The following CDH8 variants were observed in gnomAD, a reference collection of about 807,000 sequenced individuals.
CDH8 encodes the protein cadherin 8, also known as cadherin-8.
CDH8 carries 17 observed loss-of-function variants against 68.1 expected under a neutral mutation model. That is an observed-to-expected ratio of 0.25 (90% CI 0.17 to 0.37). The LOEUF is 0.37. Ranked by LOEUF, CDH8 falls within the 10% of genes least tolerant of loss-of-function variation. The pLI is 1.00. For synonymous variants in CDH8, 372 were observed against 365.1 expected, an observed-to-expected ratio of 1.02 and a Z score of -0.21; for missense variants, 763 against 999.3, an observed-to-expected ratio of 0.76 and a Z score of 3.19.
chr16:61,902,479 G>T (rs908390391), intron 2 of CDH8, among the ~76,000 whole-genome samples: 4 of 150,666 alleles, frequency 2.7e-5, no homozygotes, highest in Non-Finnish European at 4.4e-5. Context: ...TAAAAGAAAA[G>T]CCCATTGCGA....
In CDH8 at chr16:61,847,538, T is replaced by TTATATATATA. The variant is rs56946081; in HGVS notation, c.667+9571_667+9580dup. Among the ~76,000 whole-genome samples, 314 of 136,678 alleles carry TTATATATATA rather than the reference T, an allele frequency of 2.3e-3. 1 individual carries two copies. Among genetic ancestry groups the TTATATATATA allele is most frequent in the Middle Eastern group, 4.0e-3 (1 of 252 alleles). 89.7% of individuals were successfully genotyped at this position (136,678 alleles called of 152,430 possible). ...CCCCTTCTGTAAGCTTCCAATCATT[T>TTATATATATA]TATATATATATATATATATATATAT... On this transcript the variant is annotated intron_variant, in intron 4 of 11. Coordinates refer to ENST00000577390, the MANE Select transcript of CDH8 (RefSeq NM_001796.5).
chr16:61,753,982 A>G (rs924791139), intron 8 of CDH8, among the ~76,000 whole-genome samples: 5 of 152,172 alleles, frequency 3.3e-5, no homozygotes, highest in African/African-American at 1.2e-4. Flanking sequence ...CTCAAAATGA[A>G]GAAACTACAT....
chr16:61,666,973 T>C (rs1596846832), intron 10 of CDH8, among the ~76,000 whole-genome samples: 1 of 152,088 alleles, frequency 6.6e-6, no homozygotes, highest in Non-Finnish European at 1.5e-5. Flanking sequence ...ATAATGAGTC[T>C]TGTTGGAAAC....
intron 7 of CDH8, among the ~76,000 whole-genome samples, chr16:61,817,128 A>C (rs993725644): frequency 3.9e-5 from 6 of 152,180 alleles, no homozygotes; most frequent in Admixed American, 2.6e-4. Flanking sequence ...CTAAACAAAC[A>C]AACAAAAAAA....
chr16:61,768,707 C>T (rs564721515), intron 8 of CDH8, among the ~76,000 whole-genome samples: 3 of 151,634 alleles, frequency 2.0e-5, no homozygotes, highest in South Asian at 2.1e-4. Context: ...TTACTCCATA[C>T]CAAGAATCCT....
chr16:61,850,304 G>C (rs1190017249), intron 4 of CDH8, among the ~76,000 whole-genome samples: 1 of 151,988 alleles, frequency 6.6e-6, no homozygotes, highest in East Asian at 1.9e-4. Flanking sequence ...CTAATAGAAT[G>C]AGAATTAACT....
intron 4 of CDH8, among the ~76,000 whole-genome samples, chr16:61,845,513 A>AAAC (rs1407864058): frequency 6.6e-6 from 1 of 151,632 alleles, no homozygotes; most frequent in East Asian, 1.9e-4. Context: ...AAAAAAAAAA[A>AAAC]AAAAAAAAAC....
intron 7 of CDH8, among the ~76,000 whole-genome samples, chr16:61,799,906 T>TC (rs569828095): frequency 4.7e-4 from 72 of 151,742 alleles, no homozygotes; most frequent in South Asian, 4.2e-3. Context: ...TTAACTCTTT[T>TC]CCCCCCCCCA....
intron 8 of CDH8, among the ~76,000 whole-genome samples, chr16:61,729,552 T>C (rs894033246): frequency 6.6e-6 from 1 of 151,190 alleles, no homozygotes; most frequent in African/African-American, 2.4e-5. Context: ...CCAACTGGAG[T>C]CCCGTTAATT....
intron 2 of CDH8, among the ~76,000 whole-genome samples, chr16:61,945,840 C>G (rs917917532): frequency 6.6e-6 from 1 of 152,092 alleles, no homozygotes; most frequent in African/African-American, 2.4e-5. Context: ...TCTCAGGCAC[C>G]GTGATTTTTT....
intron 2 of CDH8, among the ~76,000 whole-genome samples, chr16:61,967,341 T>C (rs1190312136): frequency 3.3e-5 from 5 of 152,208 alleles, no homozygotes; most frequent in African/African-American, 9.6e-5. Context: ...TTTCTCTCTT[T>C]CCAGTACCAC....
At chr16:62,024,720 G>C (rs941970818) in intron 1 of CDH8, among the ~76,000 whole-genome samples, 2 of 152,228 alleles carry the variant, frequency 1.3e-5, no homozygotes, top group African/African-American at 4.8e-5. Flanking sequence ...ATATCTTACT[G>C]TTAGATAAAG....
At chr16:61,983,911 T>G (rs1965581188) in intron 2 of CDH8, among the ~76,000 whole-genome samples, 1 of 128,202 alleles carries the variant, frequency 7.8e-6, no homozygotes, top group African/African-American at 3.2e-5. Context: ...TTATTTTATT[T>G]TATTTTATTT....
intron 2 of CDH8, among the ~76,000 whole-genome samples, chr16:61,916,487 C>T (rs2897818): frequency 0.14 from 21,400 of 152,078 alleles, 2,128 homozygotes; most frequent in East Asian, 0.3. Context: ...TGCACTCCAG[C>T]CTGGTCAACA....
intron 10 of CDH8, among the ~76,000 whole-genome samples, chr16:61,671,418 T>G (rs1423287560): frequency 6.6e-6 from 1 of 151,690 alleles, no homozygotes; most frequent in Non-Finnish European, 1.5e-5. Flanking sequence ...ATAGCAATTT[T>G]CCTGCATAAT....
At chr16:62,016,734 A>G (rs1901950465) in intron 2 of CDH8, among the ~76,000 whole-genome samples, 1 of 152,214 alleles carries the variant, frequency 6.6e-6, no homozygotes, top group African/African-American at 2.4e-5. Flanking sequence ...AATAGAGTCT[A>G]TTTGACTGGT....
chr16:61,839,154 A>G (rs554380734), intron 4 of CDH8, among the ~76,000 whole-genome samples: 3 of 152,244 alleles, frequency 2.0e-5, no homozygotes, highest in Admixed American at 2.0e-4. Context: ...AAACACATCA[A>G]AATGCATTGT....
chr16:61,876,703 G>A (rs1417521260), intron 3 of CDH8, among the ~76,000 whole-genome samples: 2 of 152,012 alleles, frequency 1.3e-5, no homozygotes, highest in Non-Finnish European at 2.9e-5. Context: ...CATTCTTACA[G>A]TAATGATGCT....
intron 2 of CDH8, among the ~76,000 whole-genome samples, chr16:61,999,108 G>C (rs903882536): frequency 2.0e-5 from 3 of 152,328 alleles, no homozygotes; most frequent in East Asian, 1.9e-4. Flanking sequence ...ATCATCAGAA[G>C]AGTAAGGATA....
Sources: allele counts gnomAD v4.1 joint callset (sites outside exome capture counted in the v4.1 genomes callset), GRCh38; gene constraint gnomAD v4.1.1; transcripts MANE v1.5; gene names NCBI Gene and HGNC (gene_info 2026-07-23, HGNC 2026-07-21).